The following LRP1B variants were observed in gnomAD, a reference collection of about 807,000 sequenced individuals.
LRP1B encodes LDL receptor related protein 1B.
A neutral mutation model predicts 556.6 loss-of-function variants in LRP1B; 217 were observed. The ratio of observed to expected loss-of-function variants is 0.39; its 90% CI spans 0.35 to 0.44. The LOEUF (loss-of-function observed/expected upper bound fraction) is 0.44. Ranked by LOEUF, LRP1B falls within the 20% of genes least tolerant of loss-of-function variation. The pLI is 1.00. For synonymous variants in LRP1B, 2,047 were observed against 1,865.8 expected (o/e 1.10, Z -2.50); for missense variants, 5,053 against 5,620.8 (o/e 0.90, Z 3.23).
chr2:141,801,206 G>A (rs1244287574), intron 2 of LRP1B, among the ~76,000 whole-genome samples: 1 of 152,050 alleles, frequency 6.6e-6, no homozygotes, highest in African/African-American at 2.4e-5. Context: ...GTATGCATCT[G>A]TTATACATTT....
At chr2:142,034,650 G>T (rs1026925925) in intron 1 of LRP1B, among the ~76,000 whole-genome samples, 3 of 151,732 alleles carry the variant, frequency 2.0e-5, no homozygotes, top group African/African-American at 7.2e-5. Flanking sequence ...TTGAAGTTTT[G>T]CTGTTAACTC....
intron 1 of LRP1B, among the ~76,000 whole-genome samples, chr2:141,940,977 G>A (rs2105014144): frequency 6.6e-6 from 1 of 152,262 alleles, no homozygotes; most frequent in Non-Finnish European, 1.5e-5. Context: ...CAATGTTAGA[G>A]TTACAAATGA....
At chr2:141,945,779 C>G (rs1006374067) in intron 1 of LRP1B, among the ~76,000 whole-genome samples, 22 of 151,392 alleles carry the variant, frequency 1.5e-4, no homozygotes, top group African/African-American at 4.8e-4. Flanking sequence ...TCATAAATCT[C>G]AGCAAATCAG....
At chr2:140,552,479 C>A (rs1187229818) in intron 43 of LRP1B, among the ~76,000 whole-genome samples, 1 of 152,076 alleles carries the variant, frequency 6.6e-6, no homozygotes, top group East Asian at 1.9e-4. Flanking sequence ...TTGTAGGGTA[C>A]AACAAGTTTC....
chr2:141,059,002 T>A lies in LRP1B; in HGVS notation c.1289A>T (p.Asn430Ile). 1 of 1,590,942 alleles carries A rather than the reference T, an allele frequency of 6.3e-7. No individual in the cohort carries two copies. The highest frequency in any genetic ancestry group is 8.6e-7 in the Non-Finnish European group (1 of 1,167,398). The stretch of plus-strand genomic sequence containing the variant: ...CCTTACGATATTGTAGTTATCAGAA[T>A]TGGTTGCATACAAATAATCTTCAAA... ...TVFEDYLYAT[N>I]SDNYNIVRIN... The change falls in exon 9 of 91, where the codon AAT becomes ATT. Residue 430 changes from asparagine to isoleucine, a missense_variant. By Grantham distance (149) the Asn-to-Ile change is moderately radical. Coordinates refer to ENST00000389484, the MANE Select transcript of LRP1B (RefSeq NM_018557.3).
chr2:141,223,284 C>G (rs1352678126), intron 6 of LRP1B, among the ~76,000 whole-genome samples: 1 of 152,142 alleles, frequency 6.6e-6, no homozygotes, highest in African/African-American at 2.4e-5. Flanking sequence ...CTCCCATTCA[C>G]AATTGCTACA....
At chr2:140,469,792 T>G (rs1209801171) in intron 60 of LRP1B, among the ~76,000 whole-genome samples, 1 of 152,210 alleles carries the variant, frequency 6.6e-6, no homozygotes, top group Non-Finnish European at 1.5e-5. Context: ...GTGTGAAAAC[T>G]GGAAAGAAAG....
chr2:140,680,997 T>C (rs1478731673), intron 41 of LRP1B, among the ~76,000 whole-genome samples: 1 of 152,200 alleles, frequency 6.6e-6, no homozygotes, highest in African/African-American at 2.4e-5. Flanking sequence ...ATTAAATATA[T>C]TTGTAAAGCT....
chr2:140,500,180 T>C (rs1689120093), intron 55 of LRP1B, among the ~76,000 whole-genome samples: 1 of 151,998 alleles, frequency 6.6e-6, no homozygotes, highest in African/African-American at 2.4e-5. Context: ...AATACAATAT[T>C]GGGTCTAAAA....
intron 3 of LRP1B, among the ~76,000 whole-genome samples, chr2:141,296,234 G>GT (rs1401593510): frequency 6.6e-6 from 1 of 152,134 alleles, no homozygotes; most frequent in Non-Finnish European, 1.5e-5. Context: ...GAAGCATTCC[G>GT]TAAGTCAGTA....
intron 1 of LRP1B, among the ~76,000 whole-genome samples, chr2:141,815,365 T>C (rs1305686055): frequency 1.3e-5 from 2 of 152,122 alleles, no homozygotes; most frequent in Non-Finnish European, 2.9e-5. Flanking sequence ...AGTGAGGACT[T>C]GGAGAACTTT....
At chr2:141,702,349 A>C (rs1691970391) in intron 2 of LRP1B, among the ~76,000 whole-genome samples, 1 of 151,898 alleles carries the variant, frequency 6.6e-6, no homozygotes, top group African/African-American at 2.4e-5. Context: ...AGAAGCAAGG[A>C]GGCAGCTTCC....
chr2:140,665,822 A>C (rs2105348240), intron 41 of LRP1B, among the ~76,000 whole-genome samples: 1 of 152,182 alleles, frequency 6.6e-6, no homozygotes, highest in Admixed American at 6.5e-5. Flanking sequence ...TCTAAGAATA[A>C]TTTTTAAAAA....
intron 67 of LRP1B, among the ~76,000 whole-genome samples, chr2:140,385,220 G>C (rs1683705901): frequency 6.6e-6 from 1 of 152,140 alleles, no homozygotes; most frequent in South Asian, 2.1e-4. Context: ...TCTCCAGCCT[G>C]AGCAACAGGG....
At chr2:141,141,990 A>G (rs1443758817) in intron 7 of LRP1B, among the ~76,000 whole-genome samples, 1 of 150,706 alleles carries the variant, frequency 6.6e-6, no homozygotes, top group Non-Finnish European at 1.5e-5. Flanking sequence ...CACAATACAA[A>G]ACGATAGGGT....
chr2:140,274,384 G>A (rs1319429050), intron 85 of LRP1B, 40 bp downstream of exon 85: 4 of 1,559,454 alleles, frequency 2.6e-6, no homozygotes, highest in Non-Finnish European at 2.7e-6. Flanking sequence ...GTCCATTGGT[G>A]TCCAAATGCT....
intron 2 of LRP1B, among the ~76,000 whole-genome samples, chr2:141,690,996 G>T (rs1252420619): frequency 6.6e-6 from 1 of 151,666 alleles, no homozygotes; most frequent in African/African-American, 2.4e-5. Context: ...AATTTCTTCG[G>T]GGGAAGCCAA....
chr2:140,535,265 A>T (rs1251652022), intron 46 of LRP1B, among the ~76,000 whole-genome samples: 2 of 152,168 alleles, frequency 1.3e-5, no homozygotes, highest in Non-Finnish European at 2.9e-5. Flanking sequence ...TATAATCTCA[A>T]GTCAACTTAT....
chr2:140,244,593 G>A, intron 87 of LRP1B, among the ~76,000 whole-genome samples: 1 of 151,036 alleles, frequency 6.6e-6, no homozygotes, highest in Non-Finnish European at 1.5e-5. Context: ...TTTTAAAATG[G>A]AACCTGAGCA....
Sources: gnomAD v4.1 joint callset for allele counts (sites outside exome capture counted in the v4.1 genomes callset) on GRCh38, gnomAD v4.1.1 for gene constraint, MANE v1.5 for transcripts, NCBI Gene and HGNC (gene_info 2026-07-23, HGNC 2026-07-21) for gene names.